ATG10: variants seen among roughly 807,000 people sequenced by gnomAD.
ATG10 encodes the protein autophagy related 10, also known as ubiquitin-like-conjugating enzyme ATG10.
In ATG10, 30 loss-of-function variants were observed where a neutral mutation model predicts 32.1. The observed-to-expected ratio is 0.94, with a 90% confidence interval of 0.70 to 1.27. The LOEUF is 1.27. Ranked by LOEUF, ATG10 falls within the 50% of genes most tolerant of loss-of-function variation. The pLI, the probability that ATG10 is intolerant of heterozygous loss-of-function variation, is 0.00. For synonymous variants in ATG10, 87 were observed against 91.5 expected, an observed-to-expected ratio of 0.95 and a Z score of 0.28; for missense variants, 233 against 262.3, an observed-to-expected ratio of 0.89 and a Z score of 0.77.
intron 2 of ATG10, among the ~76,000 whole-genome samples, chr5:82,037,565 T>A (rs1762971442): frequency 6.6e-6 from 1 of 152,018 alleles, no homozygotes. Flanking sequence ...TTTTTATGTC[T>A]AATGTTGAAC....
intron 3 of ATG10, among the ~76,000 whole-genome samples, chr5:82,093,682 A>G (rs946828742): frequency 6.6e-6 from 1 of 152,184 alleles, no homozygotes; most frequent in African/African-American, 2.4e-5. Context: ...ATTTTTTATC[A>G]GATGCCAGAC....
intron 3 of ATG10, among the ~76,000 whole-genome samples, chr5:82,127,656 T>A (rs139209381): frequency 6.6e-6 from 1 of 151,866 alleles, no homozygotes; most frequent in East Asian, 1.9e-4. Context: ...GAGACTGTTA[T>A]GGTTTCTTTT....
chr5:82,107,158 T>G (rs959510013), intron 3 of ATG10, among the ~76,000 whole-genome samples: 1 of 152,062 alleles, frequency 6.6e-6, no homozygotes, highest in Non-Finnish European at 1.5e-5. Flanking sequence ...CAAAAAGATC[T>G]TATTCTACTT....
chr5:82,222,326 C>T (rs1487821817), intron 5 of ATG10, among the ~76,000 whole-genome samples: 2 of 152,210 alleles, frequency 1.3e-5, no homozygotes, highest in African/African-American at 4.8e-5. Flanking sequence ...GAGCAAGGTA[C>T]TGAGCCTTTC....
intron 2 of ATG10, among the ~76,000 whole-genome samples, chr5:82,004,120 A>G (rs1293432190): frequency 1.6e-5 from 2 of 124,254 alleles, no homozygotes; most frequent in Non-Finnish European, 3.3e-5. Context: ...TCTGTCGCCC[A>G]GAACAAGACT....
At chr5:82,190,396 G>A (rs1220364755) in intron 5 of ATG10, among the ~76,000 whole-genome samples, 1 of 151,718 alleles carries the variant, frequency 6.6e-6, no homozygotes, top group African/African-American at 2.4e-5. Flanking sequence ...ATCATACTAT[G>A]CACCCTTTTA....
At chr5:81,984,914 A>G (rs1433283246) in intron 1 of ATG10, among the ~76,000 whole-genome samples, 1 of 152,230 alleles carries the variant, frequency 6.6e-6, no homozygotes, top group African/African-American at 2.4e-5. Context: ...TTAATATACC[A>G]TACTTCCTAA....
At chr5:82,178,899 T>C (rs1339047630) in intron 5 of ATG10, among the ~76,000 whole-genome samples, 1 of 152,144 alleles carries the variant, frequency 6.6e-6, no homozygotes, top group Non-Finnish European at 1.5e-5. Flanking sequence ...CTCCTTGACT[T>C]ACAATGGGAA....
At chr5:82,160,707 A>G (rs767631533) in intron 3 of ATG10, among the ~76,000 whole-genome samples, 4 of 152,290 alleles carry the variant, frequency 2.6e-5, no homozygotes, top group Non-Finnish European at 5.9e-5. Context: ...ACAGATGTTT[A>G]GTGATATCTC....
chr5:81,982,741 T>G (rs1300714757), intron 1 of ATG10, among the ~76,000 whole-genome samples: 1 of 152,068 alleles, frequency 6.6e-6, no homozygotes, highest in Non-Finnish European at 1.5e-5. Flanking sequence ...CCTGATTACT[T>G]GAGATTAGGG....
intron 3 of ATG10, among the ~76,000 whole-genome samples, chr5:82,138,450 G>C (rs1766863115): frequency 6.6e-6 from 1 of 152,196 alleles, no homozygotes; most frequent in Non-Finnish European, 1.5e-5. Flanking sequence ...TCAAGGCACT[G>C]TTCCTCATGG....
intron 3 of ATG10, among the ~76,000 whole-genome samples, chr5:82,103,339 A>G (rs1351047790): frequency 6.6e-6 from 1 of 152,162 alleles, no homozygotes. Context: ...TTGTATTCTA[A>G]AATGAAGTCC....
chr5:82,015,311 T>C (rs1762253363), intron 2 of ATG10, among the ~76,000 whole-genome samples: 1 of 152,162 alleles, frequency 6.6e-6, no homozygotes, highest in South Asian at 2.1e-4. Flanking sequence ...TGTTGTGGAG[T>C]TGCTCTTCTC....
chr5:82,132,383 C>G (rs1766575381), intron 3 of ATG10, among the ~76,000 whole-genome samples: 1 of 151,814 alleles, frequency 6.6e-6, no homozygotes, highest in Non-Finnish European at 1.5e-5. Context: ...ACATATTTCT[C>G]CTAATGCTAT....
chr5:81,997,852 G>A (rs1316604409), intron 2 of ATG10, among the ~76,000 whole-genome samples: 2 of 152,140 alleles, frequency 1.3e-5, no homozygotes, highest in Non-Finnish European at 2.9e-5. Flanking sequence ...CAAAAATAAA[G>A]AAGAATGTAC....
intron 3 of ATG10, among the ~76,000 whole-genome samples, chr5:82,160,544 A>C (rs1458824344): frequency 6.6e-6 from 1 of 152,142 alleles, no homozygotes; most frequent in Non-Finnish European, 1.5e-5. Flanking sequence ...TTGTGTGGTA[A>C]TTATATGTTT....
intron 3 of ATG10, among the ~76,000 whole-genome samples, chr5:82,142,098 G>C (rs1016347981): frequency 6.6e-6 from 1 of 152,238 alleles, no homozygotes; most frequent in Non-Finnish European, 1.5e-5. Context: ...AGATGAAGCA[G>C]TGAGAAAATG....
rs560352770 is a variant in ATG10 at position 82,143,808 on chromosome 5, A to G, written c.217-20591A>G. ...TTGACTTACAGTTTTCTTTTCTTGT[A>G]CTTTCTTTGTCTGGCTTGTTATCAA... On this transcript the variant is annotated intron_variant, in intron 3 of 7. Coordinates refer to ENST00000282185, the MANE Select transcript of ATG10 (RefSeq NM_031482.5). Among the ~76,000 whole-genome samples, 10 of 152,288 alleles carry G rather than the reference A, an allele frequency of 6.6e-5. No homozygotes were observed. The East Asian group carries it at 1.5e-3, about 24-fold the overall frequency.
intron 2 of ATG10, among the ~76,000 whole-genome samples, chr5:81,991,123 A>T (rs533283782): frequency 6.6e-6 from 1 of 152,282 alleles, no homozygotes; most frequent in African/African-American, 2.4e-5. Context: ...TGTGTTCTCA[A>T]TTTGGGCATA....
Sources: gnomAD v4.1 joint callset for allele counts (sites outside exome capture counted in the v4.1 genomes callset) on GRCh38, gnomAD v4.1.1 for gene constraint, MANE v1.5 for transcripts, NCBI Gene and HGNC (gene_info 2026-07-23, HGNC 2026-07-21) for gene names.